Variants in ERC2 observed in about 807,000 individuals in gnomAD.
The protein encoded by ERC2 is ERC protein 2.
In ERC2, 42 loss-of-function variants were observed where a neutral mutation model predicts 114.8. The ratio of observed to expected loss-of-function variants is 0.37; its 90% CI spans 0.29 to 0.47. ERC2 has a LOEUF of 0.47. Among genes scored for constraint, ERC2 ranks in the 20% least tolerant of loss-of-function variants. The probability of loss-of-function intolerance (pLI) is 0.99; values close to 1 mark genes in which losing one functional copy is unlikely to be tolerated. For missense variants in ERC2, 939 were observed against 1,150.7 expected, an observed-to-expected ratio of 0.82 and a Z score of 2.66; for synonymous variants, 454 against 425.5, an observed-to-expected ratio of 1.07 and a Z score of -0.82.
rs533507068 is a variant in ERC2 at position 56,107,689 on chromosome 3, T to C, written c.1474-26705A>G. Among the ~76,000 whole-genome samples, 5 of 152,266 alleles carry C rather than the reference T, an allele frequency of 3.3e-5. No individual in the cohort carries two copies. The East Asian group carries it at 7.7e-4, about 24-fold the overall frequency. ...GACATTTTACCTAAATAAAATATAA[T>C]AAAACAGGGAAAACTAAGTACCTAT... On this transcript the variant is annotated intron_variant, in intron 6 of 17. Transcript: ENST00000288221.
intron 15 of ERC2, among the ~76,000 whole-genome samples, chr3:55,733,540 T>TCACACACA (rs753638072): frequency 2.1e-5 from 2 of 95,804 alleles, no homozygotes; most frequent in Non-Finnish European, 4.1e-5. Flanking sequence ...TTTCTCTCTC[T>TCACACACA]CTCACACACA....
intron 2 of ERC2, among the ~76,000 whole-genome samples, chr3:56,399,020 G>T (rs141016692): frequency 5.9e-5 from 9 of 152,294 alleles, no homozygotes; most frequent in African/African-American, 2.2e-4. Context: ...CTCTGTACAA[G>T]ATGGCCATGT....
intron 14 of ERC2, among the ~76,000 whole-genome samples, chr3:55,803,987 G>A (rs779537037): frequency 2.6e-5 from 4 of 152,046 alleles, no homozygotes; most frequent in Admixed American, 6.6e-5. Flanking sequence ...CATGTGCTCC[G>A]GCAGTCACTG....
intron 3 of ERC2, among the ~76,000 whole-genome samples, chr3:56,208,427 C>T (rs948174644): frequency 1.3e-5 from 2 of 152,208 alleles, no homozygotes; most frequent in African/African-American, 4.8e-5. Context: ...CTTTAGTCAA[C>T]AGGTTAGGAA....
intron 14 of ERC2, among the ~76,000 whole-genome samples, chr3:55,861,687 T>C (rs151080749): frequency 6.6e-6 from 1 of 152,304 alleles, no homozygotes; most frequent in African/African-American, 2.4e-5. Context: ...GCAAATCGAC[T>C]ATGTACCCAA....
intron 3 of ERC2, among the ~76,000 whole-genome samples, chr3:56,255,158 T>A (rs942493812): frequency 6.6e-6 from 1 of 152,236 alleles, no homozygotes; most frequent in African/African-American, 2.4e-5. Context: ...CCTTTCTCCA[T>A]CTTTTCATCT....
chr3:56,181,173 C>G (rs1468893336), intron 3 of ERC2, among the ~76,000 whole-genome samples: 1 of 152,194 alleles, frequency 6.6e-6, no homozygotes, highest in African/African-American at 2.4e-5. Flanking sequence ...ATAAACCTCT[C>G]AGTACATGGA....
intron 3 of ERC2, among the ~76,000 whole-genome samples, chr3:56,183,366 C>G (rs950411673): frequency 6.6e-6 from 1 of 152,200 alleles, no homozygotes; most frequent in Admixed American, 6.5e-5. Flanking sequence ...TGACCTTGGG[C>G]AAGTTACTGG....
chr3:56,308,037 G>A lies in ERC2; in HGVS notation c.658-11602C>T, dbSNP rs533548288. ...GCTAGATTGAGGGGCTGGGGGTGCAGAGAGTTTCCTTAACCTTGGATTACT... is the reference window on the plus strand; with the variant it reads ...GCTAGATTGAGGGGCTGGGGGTGCAAAGAGTTTCCTTAACCTTGGATTACT... On this transcript the variant is annotated intron_variant, in intron 2 of 17. Coordinates refer to ENST00000288221, the MANE Select transcript of ERC2 (RefSeq NM_015576.3). Among the ~76,000 whole-genome samples the A allele has an allele frequency of 2.0e-4, 30 of 152,274 alleles. 1 individual carries two copies. The South Asian group carries it at 5.6e-3, about 28-fold the overall frequency.
chr3:56,064,745 T>TA (rs1415881584), intron 7 of ERC2, among the ~76,000 whole-genome samples: 1 of 152,198 alleles, frequency 6.6e-6, no homozygotes, highest in Non-Finnish European at 1.5e-5. Flanking sequence ...TGCTATATGA[T>TA]AGAGTTGCCT....
intron 8 of ERC2, among the ~76,000 whole-genome samples, chr3:56,016,769 C>G (rs1263998608): frequency 1.2e-4 from 18 of 152,094 alleles, no homozygotes; most frequent in Non-Finnish European, 1.0e-4. Flanking sequence ...CTGAGAGAGG[C>G]AATTACTTGC....
chr3:56,339,234 C>G (rs563323262), intron 2 of ERC2, among the ~76,000 whole-genome samples: 2 of 152,260 alleles, frequency 1.3e-5, no homozygotes, highest in South Asian at 4.2e-4. Flanking sequence ...TATGGGAGTG[C>G]GCCATCATAC....
chr3:55,888,598 C>G (rs746947975), intron 13 of ERC2, 49 bp from the exon 14 acceptor site: 57 of 1,601,108 alleles, frequency 3.6e-5, no homozygotes, highest in Admixed American at 5.0e-5. Flanking sequence ...CATTCAAGCA[C>G]AAGACATCCC....
chr3:55,539,357 C>T (rs1251615319), intron 17 of ERC2, among the ~76,000 whole-genome samples: 2 of 147,366 alleles, frequency 1.4e-5, no homozygotes, highest in African/African-American at 2.5e-5. Flanking sequence ...TTTTCTAAGA[C>T]GTATTTTCTT....
chr3:55,877,600 C>A (rs2062920008), intron 14 of ERC2, among the ~76,000 whole-genome samples: 1 of 151,582 alleles, frequency 6.6e-6, no homozygotes, highest in Non-Finnish European at 1.5e-5. Flanking sequence ...CAGCCTCAAC[C>A]TCCCAGGCTC....
At chr3:56,301,845 G>T (rs1267038175) in intron 2 of ERC2, among the ~76,000 whole-genome samples, 1 of 152,070 alleles carries the variant, frequency 6.6e-6, no homozygotes, top group East Asian at 1.9e-4. Context: ...TTTGTAAAAG[G>T]AGGAGAGTAG....
At chr3:56,054,612 A>G (rs1214045058) in intron 7 of ERC2, among the ~76,000 whole-genome samples, 1 of 152,148 alleles carries the variant, frequency 6.6e-6, no homozygotes, top group Non-Finnish European at 1.5e-5. Flanking sequence ...TAATAATCCT[A>G]TGGAAAAGAT....
intron 12 of ERC2, among the ~76,000 whole-genome samples, chr3:55,974,590 A>G (rs2069433704): frequency 6.6e-6 from 1 of 152,182 alleles, no homozygotes; most frequent in Non-Finnish European, 1.5e-5. Context: ...CTGCTTCCCC[A>G]GAATTCCCCG....
At chr3:56,280,857 G>C (rs2054294347) in intron 3 of ERC2, among the ~76,000 whole-genome samples, 1 of 152,206 alleles carries the variant, frequency 6.6e-6, no homozygotes, top group Admixed American at 6.5e-5. Context: ...CCCTGAGGAA[G>C]TTACAAATTC....
Sources: allele counts gnomAD v4.1 joint callset (sites outside exome capture counted in the v4.1 genomes callset), GRCh38; gene constraint gnomAD v4.1.1; transcripts MANE v1.5; gene names NCBI Gene and HGNC (gene_info 2026-07-23, HGNC 2026-07-21).